Variants in EPC1 observed in about 807,000 individuals in gnomAD.
The protein encoded by EPC1 is enhancer of polycomb homolog 1.
A neutral mutation model predicts 98.4 loss-of-function variants in EPC1; 12 were observed. The observed-to-expected ratio is 0.12, with a 90% CI of 0.08 to 0.20. The LOEUF is 0.20. EPC1 is among the 10% of genes least tolerant of loss of function. EPC1 has a pLI of 1.00. For missense variants in EPC1, 729 were observed against 990.5 expected (o/e 0.74, Z 3.54); for synonymous variants, 357 against 363.9 (o/e 0.98, Z 0.21).
At chr10:32,364,907 ATTTT>A (rs5784286) in intron 1 of EPC1, among the ~76,000 whole-genome samples, 522 of 139,812 alleles carry the variant, frequency 3.7e-3, no homozygotes, top group Middle Eastern at 7.5e-3. Flanking sequence ...TTTTTTCATG[ATTTT>A]TTTTTTTTTT....
chr10:32,282,723 A>T (rs945695271), intron 10 of EPC1: 16 of 152,210 alleles, frequency 1.1e-4, no homozygotes, highest in Non-Finnish European at 2.2e-4. Context: ...TTTTCATAAA[A>T]AAAGAGCATT....
In EPC1 at chr10:32,268,264, G is replaced by A. The variant is rs1835677009; in HGVS notation, c.*799C>T. ...ATGGGACTACTGGGCTGTTCGCAGA[G>A]CAGCAACATAATATTAGTGCTTTAA... On this transcript the variant is annotated 3_prime_UTR_variant, in exon 14 of 14. Transcript: ENST00000319778. The A allele has an allele frequency of 6.6e-6, 1 of 152,092 alleles. No homozygotes were observed. Among genetic ancestry groups the A allele is most frequent in the Non-Finnish European group, 1.5e-5 (1 of 68,028 alleles). 9.4% of individuals were successfully genotyped at this position (152,092 alleles called of 1,614,324 possible).
chr10:32,305,966 T>G, intron 1 of EPC1, 35 bp from the exon 2 acceptor site: 10 of 1,571,876 alleles, frequency 6.4e-6, no homozygotes, highest in Non-Finnish European at 7.7e-6. Flanking sequence ...GTTCATGTAT[T>G]TTTAAAAAGC....
chr10:32,357,622 A>T (rs964022867), intron 1 of EPC1, among the ~76,000 whole-genome samples: 3 of 151,762 alleles, frequency 2.0e-5, no homozygotes, highest in Non-Finnish European at 4.4e-5. Flanking sequence ...CCATGTCTGG[A>T]TAATTTTTTA....
intron 1 of EPC1, among the ~76,000 whole-genome samples, chr10:32,309,493 C>CTTT (rs67775039): frequency 3.5e-5 from 5 of 142,436 alleles, no homozygotes; most frequent in African/African-American, 5.2e-5. Context: ...TATTTTCAAG[C>CTTT]TTTTTTTTTT....
At chr10:32,359,968 C>T (rs139752226) in intron 1 of EPC1, among the ~76,000 whole-genome samples, 1 of 150,222 alleles carries the variant, frequency 6.7e-6, no homozygotes, top group East Asian at 2.0e-4. Flanking sequence ...TTGTATCATT[C>T]GTAGGTATAT....
chr10:32,272,884 G>C, intron 11 of EPC1: 1 of 699,186 alleles, frequency 1.4e-6, no homozygotes, highest in Non-Finnish European at 2.4e-6. Flanking sequence ...ACTGGGTGGG[G>C]TTATATATTC....
chr10:32,371,857 C>G (rs551906428), intron 1 of EPC1, among the ~76,000 whole-genome samples: 3 of 152,108 alleles, frequency 2.0e-5, no homozygotes, highest in South Asian at 4.2e-4. Flanking sequence ...GAGCCAAGAT[C>G]GAGCCACTGC....
At chr10:32,304,918 TA>T (rs11351207) in intron 2 of EPC1, among the ~76,000 whole-genome samples, 96,374 of 119,330 alleles carry the variant, frequency 0.81, 38,481 homozygotes, top group East Asian at 0.94. Flanking sequence ...AACTCCGTCT[TA>T]AAAAAAAAAA....
chr10:32,269,208 CAAAA>C, intron 13 of EPC1, 73 bp from the exon 14 acceptor site: 1 of 1,322,760 alleles, frequency 7.6e-7, no homozygotes, highest in Non-Finnish European at 1.1e-6. Context: ...ATCTTCCCAA[CAAAA>C]AGTTTATTTT....
At chr10:32,326,264 G>C (rs1837270212) in intron 1 of EPC1, among the ~76,000 whole-genome samples, 1 of 152,104 alleles carries the variant, frequency 6.6e-6, no homozygotes, top group East Asian at 1.9e-4. Context: ...GGCTGGGAGG[G>C]GTTAGGTGCC....
At chr10:32,373,021 T>C (rs909873396) in intron 1 of EPC1, among the ~76,000 whole-genome samples, 1 of 152,156 alleles carries the variant, frequency 6.6e-6, no homozygotes, top group Non-Finnish European at 1.5e-5. Flanking sequence ...CGAAACTCGG[T>C]TTAAATAAAA....
upstream of EPC1, among the ~76,000 whole-genome samples, chr10:32,348,991 T>C (rs997719452): frequency 6.6e-6 from 1 of 152,234 alleles, no homozygotes; most frequent in African/African-American, 2.4e-5. Flanking sequence ...AAAGGTATCT[T>C]AAGACAACGG....
intron 1 of EPC1, among the ~76,000 whole-genome samples, chr10:32,365,897 G>C (rs1332591618): frequency 6.7e-6 from 1 of 149,610 alleles, no homozygotes; most frequent in Admixed American, 6.7e-5. Context: ...GCTTTGGGGG[G>C]CCGAGATGGG....
chr10:32,336,713 T>C (rs539932282), intron 1 of EPC1, among the ~76,000 whole-genome samples: 4 of 152,110 alleles, frequency 2.6e-5, no homozygotes, highest in Non-Finnish European at 5.9e-5. Context: ...ACGACTGACA[T>C]GCATCTTTTC....
chr10:32,290,483 C>CAAAA (rs57193296), intron 6 of EPC1, among the ~76,000 whole-genome samples: 17 of 40,150 alleles, frequency 4.2e-4, no homozygotes, highest in African/African-American at 2.3e-3. Context: ...AAGACTCTGT[C>CAAAA]AAAAAAAAAA....
chr10:32,294,160 C>G (rs1835007403), intron 2 of EPC1, among the ~76,000 whole-genome samples: 1 of 151,918 alleles, frequency 6.6e-6, no homozygotes, highest in African/African-American at 2.4e-5. Context: ...ATATTTAAGT[C>G]CTATTTTGTA....
At chr10:32,343,695 G>GGGT (rs1554824219) in intron 1 of EPC1, among the ~76,000 whole-genome samples, 2 of 1,042 alleles carry the variant, frequency 1.9e-3, no homozygotes, top group African/African-American at 5.9e-3. Context: ...AAATTATTTT[G>GGGT]GGGGGGGGGT....
intron 1 of EPC1, among the ~76,000 whole-genome samples, chr10:32,335,384 T>C (rs1837894943): frequency 6.6e-6 from 1 of 152,148 alleles, no homozygotes; most frequent in South Asian, 2.1e-4. Context: ...CAAACTCTTC[T>C]TTACATTCAT....
Sources: allele counts gnomAD v4.1 joint callset (sites outside exome capture counted in the v4.1 genomes callset), GRCh38; gene constraint gnomAD v4.1.1; transcripts MANE v1.5; gene names NCBI Gene and HGNC (gene_info 2026-07-23, HGNC 2026-07-21).